The following CPNE4 variants were observed in gnomAD, a reference collection of about 807,000 sequenced individuals.
CPNE4 encodes copine-4.
In CPNE4, 25 loss-of-function variants were observed where a neutral mutation model predicts 67.9. The ratio of observed to expected loss-of-function variants is 0.37; its 90% confidence interval spans 0.27 to 0.51. The LOEUF (loss-of-function observed/expected upper bound fraction) is 0.51, where lower values mean the gene tolerates loss of function less well. CPNE4 is among the 20% of genes least tolerant of loss of function. The probability of loss-of-function intolerance (pLI) is 0.93; values close to 1 mark genes in which losing one functional copy is unlikely to be tolerated. For synonymous variants in CPNE4, 242 were observed against 244.9 expected, an observed-to-expected ratio of 0.99 and a Z score of 0.11; for missense variants, 464 against 690.8, an observed-to-expected ratio of 0.67 and a Z score of 3.68.
intron 1 of CPNE4, among the ~76,000 whole-genome samples, chr3:131,912,025 C>G (rs575510283): frequency 1.3e-5 from 2 of 152,274 alleles, no homozygotes; most frequent in South Asian, 4.2e-4. Context: ...TGCTAGAGAA[C>G]AGGATTAATA....
intron 2 of CPNE4, among the ~76,000 whole-genome samples, chr3:131,866,178 C>G (rs2086942115): frequency 6.6e-6 from 1 of 152,186 alleles, no homozygotes; most frequent in Non-Finnish European, 1.5e-5. Flanking sequence ...AAAATAAAGG[C>G]TGAACTTATT....
At chr3:131,690,777 G>A (rs1414748964) in intron 5 of CPNE4, among the ~76,000 whole-genome samples, 4 of 151,724 alleles carry the variant, frequency 2.6e-5, no homozygotes, top group Admixed American at 2.6e-4. Context: ...GATAGAGTGG[G>A]AGAAAATATT....
chr3:131,960,978 C>A (rs745330738), intron 1 of CPNE4, among the ~76,000 whole-genome samples: 11 of 152,176 alleles, frequency 7.2e-5, no homozygotes, highest in Non-Finnish European at 1.6e-4. Flanking sequence ...AGCAGGCATA[C>A]AAGCTTGGTC....
intron 1 of CPNE4, among the ~76,000 whole-genome samples, chr3:131,942,527 T>G (rs2071432811): frequency 7.0e-6 from 1 of 143,144 alleles, no homozygotes; most frequent in African/African-American, 2.6e-5. Flanking sequence ...CATTTTATTT[T>G]GCTTGGTTGA....
At chr3:131,790,186 C>G (rs2083679254) in intron 2 of CPNE4, among the ~76,000 whole-genome samples, 1 of 152,140 alleles carries the variant, frequency 6.6e-6, no homozygotes, top group Non-Finnish European at 1.5e-5. Context: ...GTCTCCTTTT[C>G]CTGCCAGCCA....
rs116609400 is a variant in CPNE4, at chr3:132,004,413, T to G, written c.-2+30154A>C. Among the ~76,000 whole-genome samples the G allele has an allele frequency of 5.8e-3, 888 of 152,224 alleles. 10 individuals carry two copies. Among genetic ancestry groups the G allele is most frequent in the African/African-American group, 0.02 (837 of 41,550 alleles). On this transcript the variant is annotated intron_variant, in intron 1 of 15. Coordinates refer to ENST00000429747, the MANE Select transcript of CPNE4 (RefSeq NM_130808.3). ...GCATGTATGTCTGCATATGTGTGTA[T>G]GTACATGTGGAGAGACAGAGACAGA...
At chr3:131,962,049 G>A (rs749572027) in intron 1 of CPNE4, among the ~76,000 whole-genome samples, 16 of 152,134 alleles carry the variant, frequency 1.1e-4, no homozygotes, top group Non-Finnish European at 2.2e-4. Context: ...AAAAGTACTA[G>A]ATTGTTTGAA....
chr3:131,960,865 T>G (rs1275832092), intron 1 of CPNE4, among the ~76,000 whole-genome samples: 1 of 152,158 alleles, frequency 6.6e-6, no homozygotes, highest in Non-Finnish European at 1.5e-5. Flanking sequence ...AGGAGATAGA[T>G]TTGAGGGTCT....
intron 1 of CPNE4, among the ~76,000 whole-genome samples, chr3:131,999,785 CTT>C: frequency 6.6e-6 from 1 of 151,976 alleles, no homozygotes; most frequent in East Asian, 1.9e-4. Context: ...CATAGTAAAA[CTT>C]TGGAAAAGAA....
At chr3:132,037,914 C>T (rs1348064409), upstream of CPNE4, 3 of 279,290 alleles carry the variant, frequency 1.1e-5, no homozygotes, top group Admixed American at 9.4e-5. Context: ...AGTCAGTGCC[C>T]TGCATCAAAA....
intron 2 of CPNE4, among the ~76,000 whole-genome samples, chr3:131,760,759 C>T (rs1020072022): frequency 9.9e-5 from 15 of 152,154 alleles, no homozygotes; most frequent in Non-Finnish European, 1.6e-4. Context: ...CACTTAAATA[C>T]GTGACACTTT....
In CPNE4 at chr3:131,814,572, A is replaced by ATTTTTTT. The variant is rs71136418; in HGVS notation, c.180+90685_180+90691dup. Among the ~76,000 whole-genome samples the ATTTTTTT allele has an allele frequency of 1.5e-4, 11 of 71,134 alleles. 3 individuals are homozygous for ATTTTTTT. The highest frequency in any genetic ancestry group is 2.2e-4 in the Non-Finnish European group (8 of 36,664). 46.7% of individuals were successfully genotyped at this position (71,134 alleles called of 152,430 possible). A position where few individuals can be genotyped will look rare whatever the true frequency, so the allele number is the denominator to read the frequency against. On this transcript the variant is annotated intron_variant, in intron 2 of 15. Transcript: ENST00000429747. The stretch of plus-strand genomic sequence containing the variant: ...TGGAAGCATAAAATATTGAAATGCA[A>ATTTTTTT]TTTTTTTTTTTTTTTTTTTTTTTTT...
chr3:131,982,460 G>T lies in CPNE4; in HGVS notation c.-2+52107C>A, dbSNP rs1008916357. On this transcript the variant is annotated intron_variant, in intron 1 of 15. Transcript: ENST00000429747. ...TTGCAAAAATGAAGTGCTAGACTGA[G>T]AAACTGAAGCCATATAAAAGCAGTA... Among the ~76,000 whole-genome samples, 4 of 152,190 alleles carry T rather than the reference G, an allele frequency of 2.6e-5. No homozygotes were observed. In the East Asian group the frequency reaches 5.8e-4, roughly 22 times the overall value.
At position 131,615,927 on chromosome 3, in the gene CPNE4, ACG is replaced by A. The variant is rs1553739618; in HGVS notation, c.682-28347_682-28346del. Among the ~76,000 whole-genome samples, 837 of 83,790 alleles carry A rather than the reference ACG, an allele frequency of 1.0e-2. 4 individuals carry two copies. The highest frequency in any genetic ancestry group is 0.038 in the African/African-American group (337 of 8,850). The allele number at this position is 83,790 out of a possible 152,430, so 55.0% of individuals were successfully genotyped here. A position where few individuals can be genotyped will look rare whatever the true frequency, so the allele number is the denominator to read the frequency against. ...CACACACACACACACACACACACAC[ACG>A]CACACACACACACACACACACAAAA... On this transcript the variant is annotated intron_variant, in intron 7 of 15. Transcript: ENST00000429747.
intron 2 of CPNE4, among the ~76,000 whole-genome samples, chr3:131,900,861 C>T (rs1159613985): frequency 1.3e-5 from 2 of 152,124 alleles, no homozygotes; most frequent in African/African-American, 4.8e-5. Context: ...CACCAAAGCC[C>T]ATGGTTCATC....
chr3:131,800,002 A>G (rs1023056677), intron 2 of CPNE4, among the ~76,000 whole-genome samples: 7 of 147,070 alleles, frequency 4.8e-5, no homozygotes, highest in African/African-American at 1.8e-4. Flanking sequence ...TTTTCTTTTT[A>G]ATTTTAGATT....
intron 1 of CPNE4, among the ~76,000 whole-genome samples, chr3:131,938,025 CT>C (rs891213729): frequency 4.0e-5 from 6 of 151,816 alleles, no homozygotes; most frequent in Non-Finnish European, 8.8e-5. Flanking sequence ...ACAGATTTTC[CT>C]AAAGAAAGAA....
At chr3:131,799,159 C>T (rs1025286648) in intron 2 of CPNE4, among the ~76,000 whole-genome samples, 2 of 152,072 alleles carry the variant, frequency 1.3e-5, no homozygotes, top group Non-Finnish European at 2.9e-5. Flanking sequence ...ACTTTTTAAG[C>T]TATCCCATGA....
chr3:131,707,457 G>A (rs1213030216), intron 3 of CPNE4, among the ~76,000 whole-genome samples: 1 of 152,118 alleles, frequency 6.6e-6, no homozygotes, highest in Non-Finnish European at 1.5e-5. Context: ...ATCTGCAAAG[G>A]CTCTTTCAAA....
Sources: gnomAD v4.1 joint callset for allele counts (sites outside exome capture counted in the v4.1 genomes callset) on GRCh38, gnomAD v4.1.1 for gene constraint, MANE v1.5 for transcripts, NCBI Gene and HGNC (gene_info 2026-07-23, HGNC 2026-07-21) for gene names.